GRID2: variants seen among roughly 807,000 people sequenced by gnomAD.
The protein encoded by GRID2 is glutamate receptor ionotropic, delta-2.
A neutral mutation model predicts 114.8 loss-of-function variants in GRID2; 33 were observed. The ratio of observed to expected loss-of-function variants is 0.29; its 90% CI spans 0.22 to 0.38. The LOEUF (loss-of-function observed/expected upper bound fraction) is 0.38, where lower values mean the gene tolerates loss of function less well. Ranked by LOEUF, GRID2 falls within the 10% of genes least tolerant of loss-of-function variation. The pLI is 1.00. For missense variants in GRID2, 1,184 were observed against 1,257.7 expected, an observed-to-expected ratio of 0.94 and a Z score of 0.89; for synonymous variants, 505 against 449.9, an observed-to-expected ratio of 1.12 and a Z score of -1.55.
At chr4:92,961,406 A>G (rs937033178) in intron 2 of GRID2, among the ~76,000 whole-genome samples, 1 of 150,758 alleles carries the variant, frequency 6.6e-6, no homozygotes, top group African/African-American at 2.4e-5. Context: ...GTCTAAGAAA[A>G]TTCTTATTTC....
At chr4:93,083,720 A>G (rs1353280820) in intron 2 of GRID2, among the ~76,000 whole-genome samples, 2 of 146,610 alleles carry the variant, frequency 1.4e-5, no homozygotes, top group Non-Finnish European at 3.0e-5. Context: ...AAAAAAAAAT[A>G]CATCCTTGAT....
At chr4:92,815,441 A>G (rs1740846664) in intron 2 of GRID2, among the ~76,000 whole-genome samples, 1 of 152,296 alleles carries the variant, frequency 6.6e-6, no homozygotes. Flanking sequence ...TCTTGGTATC[A>G]GCTAGTTAAA....
intron 1 of GRID2, among the ~76,000 whole-genome samples, chr4:92,527,245 A>C (rs1725087658): frequency 6.6e-6 from 1 of 152,120 alleles, no homozygotes; most frequent in Non-Finnish European, 1.5e-5. Context: ...AATTTGAATA[A>C]ATGATTCTGA....
At chr4:93,117,131 T>C (rs1204916166) in intron 4 of GRID2, among the ~76,000 whole-genome samples, 1 of 152,148 alleles carries the variant, frequency 6.6e-6, no homozygotes, top group Non-Finnish European at 1.5e-5. Context: ...AGAACATCAA[T>C]AGCATTAATT....
chr4:92,600,562 C>A (rs1482896118), intron 2 of GRID2, among the ~76,000 whole-genome samples: 1 of 152,108 alleles, frequency 6.6e-6, no homozygotes, highest in East Asian at 1.9e-4. Context: ...TGATGACTGA[C>A]TATGGGGACT....
intron 1 of GRID2, among the ~76,000 whole-genome samples, chr4:92,433,895 A>G (rs1389762072): frequency 6.6e-6 from 1 of 152,254 alleles, no homozygotes; most frequent in East Asian, 1.9e-4. Context: ...GAAAATTAAA[A>G]GAGAGCAAGC....
chr4:93,220,349 A>T (rs1347584406), intron 6 of GRID2, among the ~76,000 whole-genome samples: 1 of 152,128 alleles, frequency 6.6e-6, no homozygotes, highest in East Asian at 1.9e-4. Flanking sequence ...TAGGAAAGAT[A>T]TTGAAAAGTC....
intron 1 of GRID2, among the ~76,000 whole-genome samples, chr4:92,384,497 AAT>A (rs1456780041): frequency 6.7e-5 from 3 of 44,448 alleles, no homozygotes; most frequent in Non-Finnish European, 1.1e-4. Context: ...ATATAATAAA[AAT>A]ATATATTATA....
intron 1 of GRID2, among the ~76,000 whole-genome samples, chr4:92,572,380 G>A (rs1384422495): frequency 6.6e-6 from 1 of 151,344 alleles, no homozygotes; most frequent in South Asian, 2.1e-4. Context: ...CTTTGAAATT[G>A]AGGCAATAAT....
chr4:93,462,933 C>G (rs1723889576), intron 11 of GRID2, among the ~76,000 whole-genome samples: 1 of 152,050 alleles, frequency 6.6e-6, no homozygotes, highest in African/African-American at 2.4e-5. Flanking sequence ...GAGTAATTCC[C>G]CATGACAGGT....
intron 1 of GRID2, among the ~76,000 whole-genome samples, chr4:92,368,691 G>T (rs1356429728): frequency 1.3e-5 from 2 of 151,976 alleles, no homozygotes; most frequent in African/African-American, 4.8e-5. Flanking sequence ...TGTATTAGAT[G>T]ACTTCTAAGG....
At chr4:93,077,034 A>C (rs1416885847) in intron 2 of GRID2, among the ~76,000 whole-genome samples, 2 of 152,208 alleles carry the variant, frequency 1.3e-5, no homozygotes, top group Non-Finnish European at 2.9e-5. Flanking sequence ...AATGCGATTC[A>C]AAAATAGATA....
At chr4:92,359,462 T>G (rs1728506096) in intron 1 of GRID2, among the ~76,000 whole-genome samples, 1 of 151,968 alleles carries the variant, frequency 6.6e-6, no homozygotes, top group Admixed American at 6.6e-5. Context: ...TAGATATAAT[T>G]TATAGGGCTG....
intron 4 of GRID2, among the ~76,000 whole-genome samples, chr4:93,136,915 C>T (rs1181606581): frequency 6.6e-6 from 1 of 152,120 alleles, no homozygotes; most frequent in Non-Finnish European, 1.5e-5. Context: ...ATATTAAACT[C>T]TTGCTTTCCT....
At chr4:92,789,296 T>A (rs1323147184) in intron 2 of GRID2, among the ~76,000 whole-genome samples, 1 of 151,920 alleles carries the variant, frequency 6.6e-6, no homozygotes, top group African/African-American at 2.4e-5. Flanking sequence ...TGTTGATTTT[T>A]ATTCATGTTG....
chr4:92,918,893 T>C (rs1749053763), intron 2 of GRID2, among the ~76,000 whole-genome samples: 1 of 152,182 alleles, frequency 6.6e-6, no homozygotes, highest in Non-Finnish European at 1.5e-5. Flanking sequence ...ATTCCCTCTT[T>C]TTCTATTGAT....
chr4:92,993,354 T>G (rs1010401449), intron 2 of GRID2, among the ~76,000 whole-genome samples: 2 of 152,014 alleles, frequency 1.3e-5, no homozygotes, highest in Non-Finnish European at 2.9e-5. Flanking sequence ...TTTACAGTAT[T>G]CTCTTCCCTT....
At chr4:93,241,389 T>A (rs552512341) in intron 8 of GRID2, among the ~76,000 whole-genome samples, 7 of 151,768 alleles carry the variant, frequency 4.6e-5, no homozygotes, top group Non-Finnish European at 7.4e-5. Context: ...TCGTTATCAA[T>A]CTCGGAGAGA....
At chr4:92,439,374 A>G (rs528772058) in intron 1 of GRID2, among the ~76,000 whole-genome samples, 9 of 152,194 alleles carry the variant, frequency 5.9e-5, no homozygotes, top group African/African-American at 1.7e-4. Flanking sequence ...CAGGGGTTGC[A>G]ATGGCTTGGC....
Sources: allele counts gnomAD v4.1 joint callset (sites outside exome capture counted in the v4.1 genomes callset), GRCh38; gene constraint gnomAD v4.1.1; transcripts MANE v1.5; gene names NCBI Gene and HGNC (gene_info 2026-07-23, HGNC 2026-07-21).